Variants in UVRAG observed in about 807,000 individuals in gnomAD.
UVRAG encodes the protein UV radiation resistance-associated gene protein.
In UVRAG, 19 loss-of-function variants were observed where a neutral mutation model predicts 78.0. The observed-to-expected ratio is 0.24, with a 90% CI of 0.17 to 0.36. The LOEUF (loss-of-function observed/expected upper bound fraction) is 0.36. Ranked by LOEUF, UVRAG falls within the 10% of genes least tolerant of loss-of-function variation. UVRAG has a pLI of 1.00. For missense variants in UVRAG, 740 were observed against 853.8 expected, an observed-to-expected ratio of 0.87 and a Z score of 1.66; for synonymous variants, 323 against 324.6, an observed-to-expected ratio of 1.00 and a Z score of 0.05.
chr11:76,020,187 T>G (rs1398008953), intron 12 of UVRAG, among the ~76,000 whole-genome samples: 1 of 152,072 alleles, frequency 6.6e-6, no homozygotes, highest in Non-Finnish European at 1.5e-5. Context: ...TTCAGTTAGC[T>G]TGTGGCGAAT....
At chr11:75,960,212 T>G (rs980617339) in intron 6 of UVRAG, among the ~76,000 whole-genome samples, 36 of 152,100 alleles carry the variant, frequency 2.4e-4, no homozygotes, top group South Asian at 6.2e-4. Context: ...GTTTTTTTTT[T>G]TTTGTTTCTT....
At chr11:75,909,375 T>C (rs1157086430) in intron 5 of UVRAG, among the ~76,000 whole-genome samples, 1 of 152,080 alleles carries the variant, frequency 6.6e-6, no homozygotes, top group Non-Finnish European at 1.5e-5. Flanking sequence ...TTCCAGCTAT[T>C]CAGGTGGCTG....
intron 5 of UVRAG, among the ~76,000 whole-genome samples, chr11:75,901,836 C>T (rs888894124): frequency 5.9e-5 from 9 of 152,162 alleles, no homozygotes; most frequent in Middle Eastern, 3.2e-3. Flanking sequence ...GATTTGTTCA[C>T]GTCAGTTTTA....
At chr11:75,948,068 C>T (rs1363920359) in intron 6 of UVRAG, among the ~76,000 whole-genome samples, 1 of 152,048 alleles carries the variant, frequency 6.6e-6, no homozygotes, top group African/African-American at 2.4e-5. Context: ...TTAAATCGCC[C>T]TGAGCTGTTT....
At chr11:76,070,850 A>G (rs1190160813) in intron 13 of UVRAG, among the ~76,000 whole-genome samples, 1 of 152,230 alleles carries the variant, frequency 6.6e-6, no homozygotes. Context: ...TAGGAGAGCT[A>G]TATTGCTTAA....
intron 12 of UVRAG, among the ~76,000 whole-genome samples, chr11:76,059,146 A>G (rs1386701086): frequency 6.6e-6 from 1 of 152,228 alleles, no homozygotes; most frequent in East Asian, 1.9e-4. Flanking sequence ...CATGCTTTAC[A>G]GTTGCAGTGT....
chr11:75,876,955 G>A (rs2134856059), intron 3 of UVRAG, among the ~76,000 whole-genome samples: 1 of 151,514 alleles, frequency 6.6e-6, no homozygotes, highest in East Asian at 1.9e-4. Flanking sequence ...ATAAACAAGT[G>A]AACAAAGGTC....
At position 75,877,517 on chromosome 11, in the gene UVRAG, C is replaced by T. The variant is rs1304443895; in HGVS notation, c.271-2362C>T. 3.4e-5 allele frequency among the ~76,000 whole-genome samples: 5 copies of T among 148,132 alleles called. No individual in the cohort carries two copies. The East Asian group carries it at 8.2e-4, about 24-fold the overall frequency. On this transcript the variant is annotated intron_variant, in intron 3 of 14. Transcript: ENST00000356136. ...GGCTGGCTGGGCGGGGGGTGACCCC[C>T]CCCACCTCCCTCCCGGACGGGGTGG...
rs1288330170 is a variant in UVRAG, at chr11:75,855,075, T to G, written c.235+3075T>G. ...ATTAGAATTATAATAATCATAATAG[T>G]ATTTTCTAAAAAGAATAGTCATGGG... On this transcript the variant is annotated intron_variant, in intron 2 of 14. Transcript: ENST00000356136. 5.9e-5 allele frequency among the ~76,000 whole-genome samples: 9 copies of G among 152,294 alleles called. No homozygotes were observed. The East Asian group carries it at 1.7e-3, about 29-fold the overall frequency.
At chr11:76,097,562 A>T (rs985500881) in intron 13 of UVRAG, among the ~76,000 whole-genome samples, 1 of 151,910 alleles carries the variant, frequency 6.6e-6, no homozygotes, top group Non-Finnish European at 1.5e-5. Context: ...CTCATTTTTA[A>T]TGTGTTCTTT....
intron 13 of UVRAG, among the ~76,000 whole-genome samples, chr11:76,067,006 A>G (rs1951201927): frequency 6.6e-6 from 1 of 152,070 alleles, no homozygotes; most frequent in Non-Finnish European, 1.5e-5. Flanking sequence ...ACATTCCCTT[A>G]TTCATTTCTG....
intron 1 of UVRAG, 61 bp downstream of exon 1, chr11:75,815,585 G>C (rs1945244125): frequency 9.1e-7 from 1 of 1,093,540 alleles, no homozygotes; most frequent in African/African-American, 1.6e-5. Context: ...TGGAGAGCTT[G>C]CTGGCTCCGG....
intron 2 of UVRAG, among the ~76,000 whole-genome samples, chr11:75,852,640 C>G (rs1481997236): frequency 6.6e-6 from 1 of 152,114 alleles, no homozygotes; most frequent in Admixed American, 6.6e-5. Context: ...GAAAATACTT[C>G]CGTACTAGTT....
intron 13 of UVRAG, among the ~76,000 whole-genome samples, chr11:76,094,014 T>C (rs1476775208): frequency 6.6e-6 from 1 of 152,232 alleles, no homozygotes; most frequent in Admixed American, 6.5e-5. Context: ...ATAGCTCTTA[T>C]TATTTTGAGA....
intron 8 of UVRAG, among the ~76,000 whole-genome samples, chr11:75,988,769 G>T (rs1949547623): frequency 6.6e-6 from 1 of 152,150 alleles, no homozygotes; most frequent in Admixed American, 6.5e-5. Flanking sequence ...TAGTGGGTAT[G>T]TAGTGGTTTC....
intron 6 of UVRAG, among the ~76,000 whole-genome samples, chr11:75,922,580 T>C (rs188873971): frequency 6.6e-6 from 1 of 152,336 alleles, no homozygotes; most frequent in East Asian, 1.9e-4. Context: ...GTAATAGGCA[T>C]TGTGACCATC....
intron 4 of UVRAG, among the ~76,000 whole-genome samples, chr11:75,888,131 T>A (rs1947132389): frequency 6.6e-6 from 1 of 152,154 alleles, no homozygotes; most frequent in African/African-American, 2.4e-5. Context: ...TTTCTAGGGC[T>A]TCATTTTTTT....
At chr11:75,828,800 T>TACACACAC (rs1565334072) in intron 1 of UVRAG, among the ~76,000 whole-genome samples, 14 of 105,762 alleles carry the variant, frequency 1.3e-4, no homozygotes, top group African/African-American at 4.9e-4. Context: ...TATATATATA[T>TACACACAC]ATATATTTTT....
intron 3 of UVRAG, among the ~76,000 whole-genome samples, chr11:75,871,417 G>T (rs1781997691): frequency 6.6e-6 from 1 of 151,612 alleles, no homozygotes; most frequent in South Asian, 2.1e-4. Flanking sequence ...CTCCCAAGTA[G>T]GTGAAGTGTG....
Sources: gnomAD v4.1 joint callset for allele counts (sites outside exome capture counted in the v4.1 genomes callset) on GRCh38, gnomAD v4.1.1 for gene constraint, MANE v1.5 for transcripts, NCBI Gene and HGNC (gene_info 2026-07-23, HGNC 2026-07-21) for gene names.